Variants in RIMS2 observed in about 807,000 individuals in gnomAD.
RIMS2 encodes regulating synaptic membrane exocytosis protein 2.
In RIMS2, 59 loss-of-function variants were observed where a neutral mutation model predicts 174.4. That is an observed-to-expected ratio of 0.34 (90% CI 0.27 to 0.42). RIMS2 has a LOEUF of 0.42. Ranked by LOEUF, RIMS2 falls within the 10% of genes least tolerant of loss-of-function variation. RIMS2 has a pLI of 1.00. For missense variants in RIMS2, 1,620 were observed against 1,666.3 expected, an observed-to-expected ratio of 0.97 and a Z score of 0.48; for synonymous variants, 606 against 572.5, an observed-to-expected ratio of 1.06 and a Z score of -0.84.
intron 17 of RIMS2, among the ~76,000 whole-genome samples, chr8:104,008,741 T>C (rs2095665792): frequency 1.3e-5 from 2 of 152,052 alleles, no homozygotes; most frequent in Non-Finnish European, 2.9e-5. Context: ...TCAATATATA[T>C]ATTATACCAT....
intron 3 of RIMS2, among the ~76,000 whole-genome samples, chr8:103,800,216 CA>C (rs1276843116): frequency 1.3e-5 from 2 of 152,106 alleles, no homozygotes; most frequent in Non-Finnish European, 2.9e-5. Context: ...GATAGTACCA[CA>C]CTGTAATTTT....
At chr8:103,909,395 A>G (rs914946544) in intron 4 of RIMS2, among the ~76,000 whole-genome samples, 14 of 152,254 alleles carry the variant, frequency 9.2e-5, no homozygotes, top group South Asian at 4.1e-4. Context: ...TTAGTTGCCA[A>G]TTACATAAAT....
intron 2 of RIMS2, among the ~76,000 whole-genome samples, chr8:103,754,056 G>T (rs899265657): frequency 6.6e-6 from 1 of 152,102 alleles, no homozygotes; most frequent in Non-Finnish European, 1.5e-5. Flanking sequence ...GCTTTCTCTT[G>T]TGGGCATTTA....
chr8:103,742,372 AATGACTAGAACCATATGTACAT>A (rs1382462230), intron 2 of RIMS2, among the ~76,000 whole-genome samples: 3 of 152,110 alleles, frequency 2.0e-5, no homozygotes, highest in Non-Finnish European at 4.4e-5. Flanking sequence ...TATGATTGCA[AATGACTAGAACCATATGTACAT>A]AATGAGTCTG....
At chr8:103,521,515 T>C (rs529782683) in intron 1 of RIMS2, among the ~76,000 whole-genome samples, 61 of 152,246 alleles carry the variant, frequency 4.0e-4, no homozygotes, top group African/African-American at 1.4e-3. Flanking sequence ...ATAGATTTTC[T>C]CAGCCATCTA....
At chr8:103,561,909 A>G (rs1490218476) in intron 1 of RIMS2, among the ~76,000 whole-genome samples, 1 of 152,208 alleles carries the variant, frequency 6.6e-6, no homozygotes, top group East Asian at 1.9e-4. Flanking sequence ...AGCAAGTTAC[A>G]TGTTACAAGG....
intron 19 of RIMS2, chr8:104,223,644 C>G: frequency 1.9e-6 from 3 of 1,587,272 alleles, no homozygotes; most frequent in Non-Finnish European, 1.7e-6. Context: ...AGCGGGTCCT[C>G]GTCCAAGATG....
At chr8:103,946,677 T>C (rs974900656) in intron 14 of RIMS2, among the ~76,000 whole-genome samples, 1 of 152,176 alleles carries the variant, frequency 6.6e-6, no homozygotes, top group African/African-American at 2.4e-5. Context: ...ATTATTAAGA[T>C]GGTAGCTCTT....
At chr8:103,894,510 A>C (rs1363139967) in intron 4 of RIMS2, among the ~76,000 whole-genome samples, 1 of 151,606 alleles carries the variant, frequency 6.6e-6, no homozygotes, top group East Asian at 1.9e-4. Flanking sequence ...AAAAGGGATA[A>C]ATATGCATAA....
intron 19 of RIMS2, among the ~76,000 whole-genome samples, chr8:104,023,189 C>T (rs1203662310): frequency 1.3e-5 from 2 of 151,828 alleles, no homozygotes; most frequent in African/African-American, 4.8e-5. Flanking sequence ...ATAGTTGAAG[C>T]TAGAGGGGTG....
intron 1 of RIMS2, among the ~76,000 whole-genome samples, chr8:103,667,007 C>T (rs758729131): frequency 2.0e-5 from 3 of 152,132 alleles, no homozygotes; most frequent in Non-Finnish European, 4.4e-5. Context: ...GAATACAGTG[C>T]ACCAGGGAGA....
chr8:103,694,249 T>A (rs1327021789), intron 1 of RIMS2, among the ~76,000 whole-genome samples: 1 of 152,152 alleles, frequency 6.6e-6, no homozygotes, highest in African/African-American at 2.4e-5. Context: ...TGTTGCTGTG[T>A]TGGGCTGATG....
chr8:104,118,473 TC>T (rs1026663960), intron 19 of RIMS2, among the ~76,000 whole-genome samples: 1 of 151,676 alleles, frequency 6.6e-6, no homozygotes, highest in African/African-American at 2.4e-5. Flanking sequence ...TTCAAGCAAT[TC>T]TTTTGCCTCC....
chr8:104,132,488 AC>A (rs2098481328), intron 19 of RIMS2, among the ~76,000 whole-genome samples: 1 of 152,192 alleles, frequency 6.6e-6, no homozygotes, highest in South Asian at 2.1e-4. Flanking sequence ...GCATGGAACT[AC>A]CTTTTAATAG....
chr8:104,115,985 G>A (rs1417108268), intron 19 of RIMS2, among the ~76,000 whole-genome samples: 2 of 152,208 alleles, frequency 1.3e-5, no homozygotes, highest in African/African-American at 4.8e-5. Context: ...AGTAGTAATT[G>A]TTGGAATGAT....
chr8:103,817,489 T>C (rs993449707), intron 3 of RIMS2, among the ~76,000 whole-genome samples: 4 of 152,172 alleles, frequency 2.6e-5, no homozygotes, highest in African/African-American at 9.6e-5. Flanking sequence ...TTTAATTCAA[T>C]ACAGCTTCAG....
intron 2 of RIMS2, among the ~76,000 whole-genome samples, chr8:103,722,500 G>A (rs746187486): frequency 7.2e-5 from 11 of 152,054 alleles, no homozygotes; most frequent in Non-Finnish European, 1.3e-4. Flanking sequence ...ACGCAACCTA[G>A]ATCCCTCCCA....
chr8:103,672,724 T>G (rs528636990), intron 1 of RIMS2, among the ~76,000 whole-genome samples: 3 of 152,136 alleles, frequency 2.0e-5, no homozygotes, highest in Admixed American at 1.3e-4. Context: ...TACATGAGAT[T>G]TGGGTAAGGA....
At chr8:104,199,148 G>A (rs548503373) in intron 19 of RIMS2, among the ~76,000 whole-genome samples, 6 of 152,138 alleles carry the variant, frequency 3.9e-5, no homozygotes, top group South Asian at 4.2e-4. Context: ...TGCAAGCTCC[G>A]CTTCCAGGGT....
Sources: gnomAD v4.1 joint callset for allele counts (sites outside exome capture counted in the v4.1 genomes callset) on GRCh38, gnomAD v4.1.1 for gene constraint, MANE v1.5 for transcripts, NCBI Gene and HGNC (gene_info 2026-07-23, HGNC 2026-07-21) for gene names.